VPS37D: variants seen among roughly 807,000 people sequenced by gnomAD.
VPS37D encodes vacuolar protein sorting-associated protein 37D.
Under a neutral mutation model 22.0 loss-of-function variants are expected in VPS37D, and 5 were observed. That is an observed-to-expected ratio of 0.23 (90% confidence interval 0.12 to 0.48). The LOEUF (loss-of-function observed/expected upper bound fraction) is 0.48. VPS37D is among the 20% of genes least tolerant of loss of function. VPS37D has a pLI of 0.99. For synonymous variants in VPS37D, 174 were observed against 159.3 expected (o/e 1.09, Z -0.69); for missense variants, 384 against 345.8 (o/e 1.11, Z -0.88).
intron 1 of VPS37D, among the ~76,000 whole-genome samples, chr7:73,668,425 G>A (rs1367195824): frequency 6.6e-6 from 1 of 151,824 alleles, no homozygotes; most frequent in East Asian, 1.9e-4. Flanking sequence ...GTTCTGTAAG[G>A]GCCAGAAAGA....
rs1255003311 is a variant in VPS37D at position 73,671,312 on chromosome 7, G to C, written c.692G>C (p.Cys231Ser). The C allele has an allele frequency of 7.2e-7, 1 of 1,389,214 alleles. No individual in the cohort carries two copies. Among genetic ancestry groups the C allele is most frequent in the Non-Finnish European group, 9.3e-7 (1 of 1,070,162 alleles). 86.1% of individuals were successfully genotyped at this position (1,389,214 alleles called of 1,614,324 possible). A position where few individuals can be genotyped will look rare whatever the true frequency, so the allele number is the denominator to read the frequency against. Residue 231 changes from cysteine (C) to serine (S), a missense_variant, in exon 4 of 4, where the codon TGC becomes TCC. Coordinates refer to ENST00000324941, the MANE Select transcript of VPS37D (RefSeq NM_001077621.2). ...PVPPLKGSPG[C>S]PLGPAPLLSP... ...CCCCCACTGAAGGGCTCCCCCGGGT[G>C]CCCCCTCGGCCCGGCCCCCCTGCTG...
rs1436746334 is a variant in VPS37D at position 73,671,351 on chromosome 7, C to G, written c.731C>G (p.Ser244Trp). ...GPAPLLSPRP[S>W]QPEPPHR Reference sequence around the variant, plus strand: ...GCCCCCCTGCTGAGCCCTCGGCCCTCGCAGCCAGAGCCCCCCCACCGGTAG... The same window carrying G: ...GCCCCCCTGCTGAGCCCTCGGCCCTGGCAGCCAGAGCCCCCCCACCGGTAG... The change falls in exon 4 of 4, where the codon TCG (serine) becomes TGG (tryptophan). Residue 244 changes from serine to tryptophan, a missense_variant. Physicochemically the swap from Ser to Trp is radical, Grantham distance 177 (BLOSUM62 -3). Transcript: ENST00000324941. 1.5e-6 allele frequency: 2 copies of G among 1,376,408 alleles called. No individual in the cohort carries two copies. The highest frequency in any genetic ancestry group is 9.4e-7 in the Non-Finnish European group (1 of 1,067,480). 85.3% of individuals were successfully genotyped at this position (1,376,408 alleles called of 1,614,324 possible). A position where few individuals can be genotyped will look rare whatever the true frequency, so the allele number is the denominator to read the frequency against.
rs1797513568 is a variant in VPS37D, at chr7:73,671,453, GGTGGGGGGAGGGGCAGGCCC to G, written c.*78_*97del. 1 of 693,364 alleles carries G rather than the reference GGTGGGGGGAGGGGCAGGCCC, an allele frequency of 1.4e-6. No individual in the cohort carries two copies. The highest frequency in any genetic ancestry group is 1.9e-5 in the African/African-American group (1 of 52,862). 43.0% of individuals were successfully genotyped at this position (693,364 alleles called of 1,614,324 possible). ...GCTCCTCCTCCTCCCCCACTGCCTG[GGTGGGGGGAGGGGCAGGCCC>G]CTCCCCCTGGCCTCAGGCAGGCCCT... On this transcript the variant is annotated 3_prime_UTR_variant, in exon 4 of 4. Coordinates refer to ENST00000324941, the MANE Select transcript of VPS37D (RefSeq NM_001077621.2).
chr7:73,671,050 C>T lies in VPS37D; in HGVS notation c.430C>T (p.Leu144=). ...MEQLLLGEQS[L]EAFLPAFQRG... ...GCAGCTGCTGCTCGGGGAGCAAAGC[C>T]TGGAGGCCTTCCTGCCTGCCTTCCA... is the stretch of plus-strand genomic sequence containing the variant. Residue 144 remains leucine, a synonymous_variant, in exon 4 of 4, where the codon CTG becomes TTG. Transcript: ENST00000324941. 2 of 1,612,582 alleles carry T rather than the reference C, an allele frequency of 1.2e-6. No individual in the cohort carries two copies. The highest frequency in any genetic ancestry group is 2.2e-5 in the East Asian group (1 of 44,838).
rs1443140104 is a variant in VPS37D, at chr7:73,670,007, CTG to C, written c.311-10_311-9del. ...CTGGCCTGTCTGTCACTCTGTCCCT[CTG>C]TGGCCCTCAGAGGAAAGCATGCATC... On this transcript the variant is annotated splice_polypyrimidine_tract_variant and intron_variant, in intron 2 of 3. Transcript: ENST00000324941. The C allele has an allele frequency of 1.7e-5, 27 of 1,551,640 alleles. No homozygotes were observed. The highest frequency in any genetic ancestry group is 2.4e-5 in the Non-Finnish European group (27 of 1,146,980).
At position 73,670,111 on chromosome 7, in the gene VPS37D, A is replaced by AG; in HGVS notation, c.393+13dup. The AG allele has an allele frequency of 3.0e-6, 3 of 1,003,328 alleles. No individual in the cohort carries two copies. Among genetic ancestry groups the AG allele is most frequent in the Non-Finnish European group, 4.2e-6 (3 of 707,098 alleles). The allele number at this position is 1,003,328 out of a possible 1,614,324, so 62.2% of individuals were successfully genotyped here. The stretch of plus-strand genomic sequence containing the variant: ...CGGAGCAGGAGGCAGAGGTGAGGGG[A>AG]GGGGTGGCTGGGGCTGGGGGCCAGG... On this transcript the variant is annotated intron_variant, in intron 3 of 3. Transcript: ENST00000324941.
chr7:73,666,524 G>A (rs534337852), upstream of VPS37D, among the ~76,000 whole-genome samples: 1 of 152,088 alleles, frequency 6.6e-6, no homozygotes, highest in South Asian at 2.1e-4. Context: ...CGCCTCCCAG[G>A]TTCAAGCGAT....
At position 73,667,890 on chromosome 7, in the gene VPS37D, A is replaced by AGCGGAGCGGAGCGGAGCCGGG. The variant is rs1228716269; in HGVS notation, c.-62_-61insGGAGCGGAGCCGGGGCGGAGC. On this transcript the variant is annotated 5_prime_UTR_variant, in exon 1 of 4. Coordinates refer to ENST00000324941, the MANE Select transcript of VPS37D (RefSeq NM_001077621.2). The stretch of plus-strand genomic sequence containing the variant: ...CTGGAGCCGGAGCGGAGCGGAGCGG[A>AGCGGAGCGGAGCGGAGCCGGG]GCGGAGCCGGGGCGGAGCGGGCCGA... The AGCGGAGCGGAGCGGAGCCGGG allele has an allele frequency of 2.0e-6, 1 of 505,972 alleles. No homozygotes were observed. The highest frequency in any genetic ancestry group is 2.2e-5 in the African/African-American group (1 of 46,076). 31.3% of individuals were successfully genotyped at this position (505,972 alleles called of 1,614,324 possible). A position where few individuals can be genotyped will look rare whatever the true frequency, so the allele number is the denominator to read the frequency against.
intron 3 of VPS37D, 27 bp downstream of exon 3, chr7:73,670,129 G>A (rs1304651607): frequency 6.5e-7 from 1 of 1,549,932 alleles, no homozygotes. Context: ...CTGGGGCTGG[G>A]GGCCAGGAGG....
intron 1 of VPS37D, 25 bp downstream of exon 1, chr7:73,668,121 G>A: frequency 9.2e-7 from 1 of 1,082,922 alleles, no homozygotes; most frequent in Non-Finnish European, 1.1e-6. Context: ...TCGAGCGGGG[G>A]GCGCGGGGGA....
Position 73,667,871 on chromosome 7 carries a change from CCGGAGCGGAGCGGAG to C in VPS37D, c.-76_-62del, listed in dbSNP as rs879987947. 2 of 372,778 alleles carry C rather than the reference CCGGAGCGGAGCGGAG, an allele frequency of 5.4e-6. No homozygotes were observed. The highest frequency in any genetic ancestry group is 3.7e-6 in the Non-Finnish European group (1 of 268,222). 23.1% of individuals were successfully genotyped at this position (372,778 alleles called of 1,614,324 possible). A position where few individuals can be genotyped will look rare whatever the true frequency, so the allele number is the denominator to read the frequency against. On this transcript the variant is annotated 5_prime_UTR_variant, in exon 1 of 4. Transcript: ENST00000324941. ...GCCGGAGCCGGAGCGGATCCTGGAGCCGGAGCGGAGCGGAGCGGAGCGGAGCCGGGGCGGAGCGGG... is the reference window on the plus strand; with the variant it reads ...GCCGGAGCCGGAGCGGATCCTGGAGCCGGAGCGGAGCCGGGGCGGAGCGGG...
rs782239607 is a variant in VPS37D, at chr7:73,669,532, C to T, written c.252C>T (p.Ile84=). The change falls in exon 2 of 4, where the codon ATC becomes ATT. Residue 84 remains isoleucine, a synonymous_variant. Transcript: ENST00000324941. Reference sequence around the variant, plus strand: ...AGATGGGCCGGGCTGCCCTGGCCATCAAATACCAGGAGCTTCGTGAGGTGG... The same window carrying T: ...AGATGGGCCGGGCTGCCCTGGCCATTAAATACCAGGAGCTTCGTGAGGTGG... The part of the protein sequence containing the change: ...RLEMGRAALA[I]KYQELREVAE... 1.3e-6 allele frequency: 2 copies of T among 1,587,964 alleles called. No homozygotes were observed. Among genetic ancestry groups the T allele is most frequent in the East Asian group, 2.3e-5 (1 of 43,482 alleles).
Position 73,669,490 on chromosome 7 carries a change from C to T in VPS37D, c.210C>T (p.Ala70=), listed in dbSNP as rs1354982541. Reference sequence around the variant, plus strand: ...ACGCGCTGGCCAAGGAGAACCTGGCCCTGCGGCCCCGCCTGGAGATGGGCC... The same window carrying T: ...ACGCGCTGGCCAAGGAGAACCTGGCTCTGCGGCCCCGCCTGGAGATGGGCC... ...SNYALAKENL[A]LRPRLEMGRA... is the part of the protein sequence containing the mutation. The change falls in exon 2 of 4, where the codon GCC becomes GCT. Residue 70 remains alanine, a synonymous_variant. Coordinates refer to ENST00000324941, the MANE Select transcript of VPS37D (RefSeq NM_001077621.2). 1 of 1,580,666 alleles carries T rather than the reference C, an allele frequency of 6.3e-7. No homozygotes were observed. Among genetic ancestry groups the T allele is most frequent in the East Asian group, 2.3e-5 (1 of 42,992 alleles).
At chr7:73,668,799 C>T (rs782817447) in intron 1 of VPS37D, among the ~76,000 whole-genome samples, 25 of 151,774 alleles carry the variant, frequency 1.6e-4, no homozygotes, top group Non-Finnish European at 3.2e-4. Flanking sequence ...GCCGGGGCTG[C>T]TGTAAGCCCG....
chr7:73,670,621 A>G (rs1030966121), intron 3 of VPS37D, among the ~76,000 whole-genome samples: 5 of 152,108 alleles, frequency 3.3e-5, no homozygotes, highest in Non-Finnish European at 7.4e-5. Flanking sequence ...CAGCCTGACC[A>G]ACATGGTGAA....
chr7:73,667,013 C>T (rs188025445), upstream of VPS37D, among the ~76,000 whole-genome samples: 5 of 146,626 alleles, frequency 3.4e-5, no homozygotes, highest in African/African-American at 1.2e-4. Flanking sequence ...CGCTCTGTCA[C>T]CCAGCCTGGA....
rs1797527721 is a variant in VPS37D, at chr7:73,671,917, CCTGGGG to C, written c.*543_*548del. ...CTACGTGTCCACACATGCTCCAGAC[CCTGGGG>C]CAAGGTAGGCCAGGGGCTTCTGACC... On this transcript the variant is annotated 3_prime_UTR_variant, in exon 4 of 4. Transcript: ENST00000324941. The C allele has an allele frequency of 6.6e-6, 1 of 152,334 alleles. No homozygotes were observed. The highest frequency in any genetic ancestry group is 6.5e-5 in the Admixed American group (1 of 15,278). 9.4% of individuals were successfully genotyped at this position (152,334 alleles called of 1,614,324 possible). A position where few individuals can be genotyped will look rare whatever the true frequency, so the allele number is the denominator to read the frequency against.
chr7:73,671,305 C>G lies in VPS37D; in HGVS notation c.685C>G (p.Pro229Ala), dbSNP rs1554609745. 2 of 1,400,192 alleles carry G rather than the reference C, an allele frequency of 1.4e-6. No individual in the cohort carries two copies. Among genetic ancestry groups the G allele is most frequent in the Non-Finnish European group, 1.9e-6 (2 of 1,078,232 alleles). The allele number at this position is 1,400,192 out of a possible 1,614,324, so 86.7% of individuals were successfully genotyped here. ...SRPVPPLKGS[P>A]GCPLGPAPLL... ...CCCAGTGCCCCCACTGAAGGGCTCC[C>G]CCGGGTGCCCCCTCGGCCCGGCCCC... The change falls in exon 4 of 4, where the codon CCC becomes GCC. Residue 229 changes from proline (P) to alanine (A), a missense_variant. Physicochemically the swap from Pro to Ala is conservative, Grantham distance 27. Transcript: ENST00000324941.
chr7:73,668,111 T>G lies in VPS37D; in HGVS notation c.138+15T>G. 4 of 1,002,964 alleles carry G rather than the reference T, an allele frequency of 4.0e-6. No homozygotes were observed. Among genetic ancestry groups the G allele is most frequent in the Non-Finnish European group, 4.9e-6 (4 of 820,438 alleles). The allele number at this position is 1,002,964 out of a possible 1,614,324, so 62.1% of individuals were successfully genotyped here. A position where few individuals can be genotyped will look rare whatever the true frequency, so the allele number is the denominator to read the frequency against. On this transcript the variant is annotated intron_variant, in intron 1 of 3. Transcript: ENST00000324941. ...TCAGCAGGAAGGTAGCGCGGGGGGCTCGAGCGGGGGGCGCGGGGGACGGGC... is the reference window on the plus strand; with the variant it reads ...TCAGCAGGAAGGTAGCGCGGGGGGCGCGAGCGGGGGGCGCGGGGGACGGGC...
Sources: allele counts gnomAD v4.1 joint callset (sites outside exome capture counted in the v4.1 genomes callset), GRCh38; gene constraint gnomAD v4.1.1; transcripts MANE v1.5; gene names NCBI Gene and HGNC (gene_info 2026-07-23, HGNC 2026-07-21).